Variants in CSF3R observed in about 807,000 individuals in gnomAD.
CSF3R encodes colony stimulating factor 3 receptor.
Under a neutral mutation model 84.4 loss-of-function variants are expected in CSF3R, and 52 were observed. The ratio of observed to expected loss-of-function variants is 0.62; its 90% CI spans 0.49 to 0.78. The LOEUF (loss-of-function observed/expected upper bound fraction) is 0.78. CSF3R is among the 30% of genes least tolerant of loss of function. The pLI, the probability that CSF3R is intolerant of heterozygous loss-of-function variation, is 0.00. For synonymous variants in CSF3R, 384 were observed against 429.1 expected (o/e 0.89, Z 1.30); for missense variants, 890 against 1,055.7 (o/e 0.84, Z 2.17).
At chr1:36,471,327 G>A (rs1398516325) in intron 10 of CSF3R, 106 bp downstream of exon 10, 4 of 1,143,050 alleles carry the variant, frequency 3.5e-6, no homozygotes, top group Admixed American at 3.4e-5. Flanking sequence ...GATTACAGGC[G>A]TGAGCCACTG....
Position 36,474,846 on chromosome 1 carries a change from A to AAGG in CSF3R, c.361+530_361+531insCCT, listed in dbSNP as rs371331102. The stretch of plus-strand genomic sequence containing the variant: ...GAGCCACACTGCCTCCATCCTTATT[A>AAGG]ATGTGTGATAAGGGCAAGTCACTTA... On this transcript the variant is annotated intron_variant, in intron 4 of 16. Coordinates refer to ENST00000373106, the MANE Select transcript of CSF3R (RefSeq NM_000760.4). Among the ~76,000 whole-genome samples the AAGG allele has an allele frequency of 2.6e-4, 39 of 152,104 alleles. 1 individual carries two copies. Among genetic ancestry groups the AAGG allele is most frequent in the African/African-American group, 9.4e-4 (39 of 41,478 alleles).
At position 36,475,539 on chromosome 1, in the gene CSF3R, C is replaced by G; in HGVS notation, c.199G>C (p.Ala67Pro). ...PEPQILWRLGAELQPGGRQQR... is the reference protein window; with the variant it reads ...PEPQILWRLGPELQPGGRQQR... ...TGCCTGCCCCCGGGCTGAAGCTCTG[C>G]TCCCAGTCTCCACAGAATCTGTGGC... Residue 67 changes from alanine to proline, a missense_variant, in exon 4 of 17, where the codon GCA (alanine) becomes CCA (proline). Physicochemically the swap from Ala to Pro is conservative, Grantham distance 27 (BLOSUM62 -1). Transcript: ENST00000373106. 1 of 1,614,172 alleles carries G rather than the reference C, an allele frequency of 6.2e-7. No homozygotes were observed. The highest frequency in any genetic ancestry group is 8.5e-7 in the Non-Finnish European group (1 of 1,180,036).
Position 36,466,317 on chromosome 1 carries a change from C to G in CSF3R, c.*40G>C. 6.2e-7 allele frequency: 1 copy of G among 1,612,016 alleles called. No individual in the cohort carries two copies. ...TCCCCTCTTCTCCAGCTAGCTCAGG[C>G]CTTTAAGAGGCAGGCCCAAGAAGGG... On this transcript the variant is annotated 3_prime_UTR_variant, in exon 17 of 17. Coordinates refer to ENST00000373106, the MANE Select transcript of CSF3R (RefSeq NM_000760.4). The surrounding 1 kb of genome is among the most constrained non-coding windows in gnomAD (Gnocchi z 4.6).
Position 36,466,651 on chromosome 1 carries a change from C to T in CSF3R, c.2217G>A (p.Gln739=). ...LQGDPRAVST[Q]PQSQSGTSDQ... ...CGCTGGTGCCAGACTGGGATTGGGG[C>T]TGGGTGGAAACTGCTCTTGGGTCCC... The change falls in exon 17 of 17, where the codon CAG becomes CAA. Residue 739 remains glutamine, a synonymous_variant. Coordinates refer to ENST00000373106, the MANE Select transcript of CSF3R (RefSeq NM_000760.4). This position sits in a 1 kb window ranked among gnomAD's most constrained non-coding sequence, Gnocchi z 4.6. The T allele has an allele frequency of 6.2e-7, 1 of 1,614,200 alleles. No homozygotes were observed. Among genetic ancestry groups the T allele is most frequent in the Non-Finnish European group, 8.5e-7 (1 of 1,180,022 alleles).
In CSF3R at chr1:36,479,180, C is replaced by T. The variant is rs3917927; in HGVS notation, c.64+253G>A. ...CTTCTGACAGCTTGGTAGAGATTTGCGGACAAGATCTGCGCCTCACTGGCC... is the reference window on the plus strand; with the variant it reads ...CTTCTGACAGCTTGGTAGAGATTTGTGGACAAGATCTGCGCCTCACTGGCC... On this transcript the variant is annotated intron_variant, in intron 3 of 16. Coordinates refer to ENST00000373106, the MANE Select transcript of CSF3R (RefSeq NM_000760.4). 5,216 of 551,210 alleles carry T rather than the reference C, an allele frequency of 9.5e-3. 244 individuals carry two copies. Among genetic ancestry groups the T allele is most frequent in the African/African-American group, 0.088 (4,677 of 53,324 alleles). The allele number at this position is 551,210 out of a possible 1,614,324, so 34.1% of individuals were successfully genotyped here.
chr1:36,479,380 C>G (rs1056313231), intron 3 of CSF3R, 53 bp downstream of exon 3: 7 of 1,541,742 alleles, frequency 4.5e-6, no homozygotes, highest in Non-Finnish European at 6.3e-6. Context: ...TTCCCAATAT[C>G]TCTCCTTGTA....
At position 36,475,297 on chromosome 1, in the gene CSF3R, G is replaced by A. The variant is rs1207202355; in HGVS notation, c.361+80C>T. The A allele has an allele frequency of 4.7e-5, 73 of 1,566,392 alleles. No individual in the cohort carries two copies. The Admixed American group carries it at 7.2e-4, about 15-fold the overall frequency. Reference sequence around the variant, plus strand: ...GCTGGGAATACAGGCGTGAGCCAACGTGCCCGGCTGGTAATATTCTTATTA... The same window carrying A: ...GCTGGGAATACAGGCGTGAGCCAACATGCCCGGCTGGTAATATTCTTATTA... On this transcript the variant is annotated intron_variant, in intron 4 of 16. Transcript: ENST00000373106.
chr1:36,479,961 CA>C (rs950767886), intron 2 of CSF3R: 11 of 303,584 alleles, frequency 3.6e-5, no homozygotes, highest in Admixed American at 4.5e-5. Flanking sequence ...AAAGCCAGCA[CA>C]AAGTTACATC....
Position 36,473,617 on chromosome 1 carries a change from C to T in CSF3R, c.491G>A (p.Arg164Gln), listed in dbSNP as rs754336092. The change falls in exon 6 of 17, where the codon CGG becomes CAG. Residue 164 changes from arginine to glutamine, a missense_variant. Arg to Gln is a conservative substitution (Grantham distance 43, BLOSUM62 1). Transcript: ENST00000373106. ...GTCCCCTTGGGTCTGACAGTTGCCC[C>T]GGCTCCTGCCAATAGTCCAGGCTTG... ...TSFTLKSFKS[R>Q]GNCQTQGDSI... 1.8e-5 allele frequency: 29 copies of T among 1,613,848 alleles called. No homozygotes were observed. Among genetic ancestry groups the T allele is most frequent in the East Asian group, 2.2e-5 (1 of 44,888 alleles).
intron 10 of CSF3R, 97 bp downstream of exon 10, chr1:36,471,336 T>C (rs1650708351): frequency 8.0e-7 from 1 of 1,251,128 alleles, no homozygotes; most frequent in Non-Finnish European, 1.2e-6. Context: ...CGTGAGCCAC[T>C]GCGCCCGGCC....
At chr1:36,468,794 C>T (rs1173476153) in intron 12 of CSF3R, 1 of 280,940 alleles carries the variant, frequency 3.6e-6, no homozygotes, top group Non-Finnish European at 7.0e-6. Flanking sequence ...CTCTTGAACT[C>T]AGGGGATCTG....
At chr1:36,478,468 G>T (rs1166011068) in intron 3 of CSF3R, among the ~76,000 whole-genome samples, 2 of 152,104 alleles carry the variant, frequency 1.3e-5, no homozygotes, top group Admixed American at 6.5e-5. Context: ...GGCGGAGGTT[G>T]CAGTGAGCTG....
intron 4 of CSF3R, among the ~76,000 whole-genome samples, chr1:36,475,119 C>A (rs3917958): frequency 2.0e-5 from 3 of 151,684 alleles, no homozygotes; most frequent in Admixed American, 6.6e-5. Flanking sequence ...GTTCTCCTGC[C>A]TCAGCCCCCC....
chr1:36,473,226 CTT>C, intron 6 of CSF3R: 1 of 612,702 alleles, frequency 1.6e-6, no homozygotes, highest in Non-Finnish European at 2.9e-6. Flanking sequence ...GAATGTGTCT[CTT>C]TGCCTCTGTG....
At chr1:36,471,278 C>T (rs538344628) in intron 10 of CSF3R, among the ~76,000 whole-genome samples, 155 bp downstream of exon 10, 6 of 152,322 alleles carry the variant, frequency 3.9e-5, no homozygotes, top group Admixed American at 3.9e-4. Context: ...AACTCCTGAC[C>T]TCGGATGATC....
chr1:36,479,122 T>C (rs967539738), intron 3 of CSF3R: 2 of 441,814 alleles, frequency 4.5e-6, no homozygotes, highest in African/African-American at 4.0e-5. Context: ...ATCCCTTTGC[T>C]GCCCACCAAG....
At chr1:36,478,255 G>A (rs937581392) in intron 3 of CSF3R, among the ~76,000 whole-genome samples, 3 of 151,952 alleles carry the variant, frequency 2.0e-5, no homozygotes, top group Non-Finnish European at 2.9e-5. Flanking sequence ...AGGGCTGGGC[G>A]CGGTGGTTCA....
In CSF3R at chr1:36,467,183, T is replaced by A; in HGVS notation, c.2040+47A>T. On this transcript the variant is annotated intron_variant, in intron 16 of 16. Transcript: ENST00000373106. The surrounding 1 kb of genome is among the most constrained non-coding windows in gnomAD (Gnocchi z 4.1). The stretch of plus-strand genomic sequence containing the variant: ...TCAGAAGGTGTCCCTTCACTGAGCC[T>A]GGGCCGACATCCCCATCTCATTTCC... The A allele has an allele frequency of 2.5e-6, 4 of 1,593,784 alleles. No individual in the cohort carries two copies. The highest frequency in any genetic ancestry group is 3.4e-6 in the Non-Finnish European group (4 of 1,161,436).
chr1:36,478,700 C>A (rs3917928), intron 3 of CSF3R, among the ~76,000 whole-genome samples: 101,897 of 148,886 alleles, frequency 0.68, 35,373 homozygotes, highest in African/African-American at 0.82. Flanking sequence ...AATACAACAA[C>A]AAAAAAAAAT....
Sources: allele counts gnomAD v4.1 joint callset (sites outside exome capture counted in the v4.1 genomes callset), GRCh38; gene constraint gnomAD v4.1.1; non-coding constraint Gnocchi (gnomAD v3.1); transcripts MANE v1.5; gene names NCBI Gene and HGNC (gene_info 2026-07-23, HGNC 2026-07-21).